The following TANC2 variants were observed in gnomAD, a reference collection of about 807,000 sequenced individuals.
The protein encoded by TANC2 is tetratricopeptide repeat, ankyrin repeat and coiled-coil containing 2, also known as protein TANC2.
In TANC2, 26 loss-of-function variants were observed where a neutral mutation model predicts 210.5. The ratio of observed to expected loss-of-function variants is 0.12; its 90% CI spans 0.09 to 0.17. TANC2 has a LOEUF of 0.17. Among genes scored for constraint, TANC2 ranks in the 10% least tolerant of loss-of-function variants. TANC2 has a pLI of 1.00. For missense variants in TANC2, 2,129 were observed against 2,608.9 expected (o/e 0.82, Z 4.01); for synonymous variants, 931 against 967.1 (o/e 0.96, Z 0.69).
At chr17:63,326,625 G>A (rs1567917551) in intron 11 of TANC2, among the ~76,000 whole-genome samples, 2 of 151,944 alleles carry the variant, frequency 1.3e-5, no homozygotes, top group Admixed American at 6.6e-5. Flanking sequence ...AGCTACTCAG[G>A]GTGCTGAGGT....
intron 2 of TANC2, among the ~76,000 whole-genome samples, chr17:63,047,487 T>C (rs1450844946): frequency 2.6e-5 from 4 of 152,100 alleles, no homozygotes. Context: ...ATCAGTAATA[T>C]TTGATGATGA....
chr17:63,278,941 G>T (rs920585396), intron 9 of TANC2, among the ~76,000 whole-genome samples: 3 of 152,108 alleles, frequency 2.0e-5, no homozygotes, highest in South Asian at 2.1e-4. Flanking sequence ...GGAGCTGGGG[G>T]AAAGAGGAAA....
intron 1 of TANC2, among the ~76,000 whole-genome samples, chr17:62,973,321 C>T (rs930827387): frequency 1.2e-4 from 18 of 152,206 alleles, no homozygotes; most frequent in Admixed American, 1.1e-3. Context: ...CATGAGCCAC[C>T]ATACCCGGCC....
chr17:63,187,939 TATACCC>T (rs1330412794), intron 5 of TANC2, among the ~76,000 whole-genome samples: 1 of 152,120 alleles, frequency 6.6e-6, no homozygotes, highest in Non-Finnish European at 1.5e-5. Flanking sequence ...CCTAGAATGG[TATACCC>T]TGAAAAATAC....
chr17:63,340,506 C>T (rs1468906759), intron 12 of TANC2, among the ~76,000 whole-genome samples, 174 bp downstream of exon 12: 1 of 151,574 alleles, frequency 6.6e-6, no homozygotes, highest in African/African-American at 2.4e-5. Flanking sequence ...AAAAAAAAAT[C>T]CAGCAGTAAC....
At chr17:63,091,130 A>G (rs2037176027) in intron 3 of TANC2, among the ~76,000 whole-genome samples, 1 of 124,914 alleles carries the variant, frequency 8.0e-6, no homozygotes, top group South Asian at 2.5e-4. Flanking sequence ...AGATGAGTAG[A>G]TTGCAAAAAT....
exon 28 of TANC2, chr17:63,423,995 CAG>C (rs1176717032): frequency 6.6e-6 from 1 of 152,244 alleles, no homozygotes; most frequent in East Asian, 1.9e-4. Context: ...AGTGGCCTCT[CAG>C]ATTGCTTTTT....
chr17:63,040,076 C>T (rs915443202), intron 2 of TANC2, among the ~76,000 whole-genome samples: 2 of 152,104 alleles, frequency 1.3e-5, no homozygotes, highest in Admixed American at 6.6e-5. Flanking sequence ...ACATTAGTAG[C>T]GCACTCTGTG....
At chr17:62,996,869 A>G (rs2033133204) in intron 1 of TANC2, among the ~76,000 whole-genome samples, 2 of 149,562 alleles carry the variant, frequency 1.3e-5, no homozygotes, top group South Asian at 4.2e-4. Flanking sequence ...GCTGGAGTGC[A>G]GTGGCGTGAT....
chr17:63,311,254 A>T (rs771898012), intron 9 of TANC2, among the ~76,000 whole-genome samples: 5 of 152,228 alleles, frequency 3.3e-5, no homozygotes, highest in Non-Finnish European at 5.9e-5. Context: ...TTGGTTAAAT[A>T]ACTTATGATT....
chr17:62,968,069 T>C (rs916553983), intron 1 of TANC2, among the ~76,000 whole-genome samples: 1 of 152,210 alleles, frequency 6.6e-6, no homozygotes, highest in Non-Finnish European at 1.5e-5. Context: ...ATTACCAACA[T>C]GCTGCAAAAC....
chr17:63,330,455 T>A (rs927015557), intron 11 of TANC2, among the ~76,000 whole-genome samples: 13 of 152,040 alleles, frequency 8.6e-5, no homozygotes, highest in Admixed American at 3.3e-4. Context: ...AAAAAAAAAA[T>A]TTATTCAGGA....
intron 2 of TANC2, among the ~76,000 whole-genome samples, chr17:63,016,401 C>T (rs544154190): frequency 6.6e-6 from 1 of 152,094 alleles, no homozygotes; most frequent in Non-Finnish European, 1.5e-5. Flanking sequence ...ATGGTGAAAC[C>T]CTGTCTCTAC....
chr17:63,401,307 C>T (rs1237545623), intron 19 of TANC2, among the ~76,000 whole-genome samples: 4 of 152,120 alleles, frequency 2.6e-5, no homozygotes, highest in Admixed American at 6.6e-5. Flanking sequence ...ATACAATGGT[C>T]GTGATGTTTC....
chr17:63,098,716 AT>A (rs1293800204), intron 3 of TANC2, among the ~76,000 whole-genome samples: 1 of 151,962 alleles, frequency 6.6e-6, no homozygotes, highest in Non-Finnish European at 1.5e-5. Context: ...AAAGATCATT[AT>A]ATAATAATGT....
chr17:63,059,246 T>G (rs916222096), intron 2 of TANC2, among the ~76,000 whole-genome samples: 1 of 152,202 alleles, frequency 6.6e-6, no homozygotes, highest in Non-Finnish European at 1.5e-5. Flanking sequence ...TCCCTTTGCT[T>G]TTCTTGAAAA....
At chr17:63,316,102 G>A (rs1336385072) in intron 10 of TANC2, among the ~76,000 whole-genome samples, 1 of 152,194 alleles carries the variant, frequency 6.6e-6, no homozygotes, top group Non-Finnish European at 1.5e-5. Flanking sequence ...AAATGAAGAA[G>A]TGTGACTAAT....
intron 5 of TANC2, among the ~76,000 whole-genome samples, chr17:63,174,115 T>C (rs942673913): frequency 2.6e-5 from 4 of 152,246 alleles, no homozygotes; most frequent in Non-Finnish European, 4.4e-5. Flanking sequence ...AGGCAGATTT[T>C]TGACATGACT....
intron 27 of TANC2, among the ~76,000 whole-genome samples, chr17:63,419,592 T>G (rs551387346): frequency 6.6e-6 from 1 of 152,346 alleles, no homozygotes; most frequent in East Asian, 1.9e-4. Context: ...GAAAAATTTC[T>G]GCTGGATCAG....
Sources: gnomAD v4.1 joint callset for allele counts (sites outside exome capture counted in the v4.1 genomes callset) on GRCh38, gnomAD v4.1.1 for gene constraint, MANE v1.5 for transcripts, NCBI Gene and HGNC (gene_info 2026-07-23, HGNC 2026-07-21) for gene names.